EPHA4: variants seen among roughly 807,000 people sequenced by gnomAD.
EPHA4 encodes EPH receptor A4, also known as ephrin type-A receptor 4.
EPHA4 carries 19 observed loss-of-function variants against 108.3 expected under a neutral mutation model. The observed-to-expected ratio is 0.18, with a 90% CI of 0.12 to 0.26. EPHA4 has a LOEUF of 0.26. EPHA4 is among the 10% of genes least tolerant of loss of function. EPHA4 has a pLI of 1.00. For missense variants in EPHA4, 917 were observed against 1,254.0 expected (o/e 0.73, Z 4.06); for synonymous variants, 449 against 455.5 (o/e 0.99, Z 0.18).
intron 3 of EPHA4, among the ~76,000 whole-genome samples, chr2:221,506,678 G>A (rs1310458916): frequency 6.6e-6 from 1 of 152,134 alleles, no homozygotes; most frequent in Non-Finnish European, 1.5e-5. Flanking sequence ...TTCTACAAGT[G>A]GTTTGACTGC....
At chr2:221,505,746 G>A (rs911316399) in intron 3 of EPHA4, among the ~76,000 whole-genome samples, 28 of 152,122 alleles carry the variant, frequency 1.8e-4, no homozygotes, top group Middle Eastern at 3.2e-3. Flanking sequence ...GTGTGCTGCC[G>A]TGTGCACACA....
intron 3 of EPHA4, among the ~76,000 whole-genome samples, chr2:221,554,140 A>G (rs1286552922): frequency 6.6e-6 from 1 of 152,186 alleles, no homozygotes; most frequent in African/African-American, 2.4e-5. Flanking sequence ...TCATCCGCTA[A>G]TGACACCAGG....
chr2:221,508,831 AACTAAT>A (rs1397441547), intron 3 of EPHA4, among the ~76,000 whole-genome samples: 1 of 152,174 alleles, frequency 6.6e-6, no homozygotes, highest in African/African-American at 2.4e-5. Context: ...AAACTTACCA[AACTAAT>A]ACTGTCTCAA....
chr2:221,556,287 G>A (rs1574657161), intron 3 of EPHA4, among the ~76,000 whole-genome samples: 1 of 152,118 alleles, frequency 6.6e-6, no homozygotes, highest in African/African-American at 2.4e-5. Context: ...AAGTGACATT[G>A]TTTTACTACT....
At chr2:221,564,470 A>C in intron 2 of EPHA4, 76 bp from the exon 3 acceptor site, 1,289 of 1,391,042 alleles carry the variant, frequency 9.3e-4, no homozygotes, top group Non-Finnish European at 1.1e-3. Context: ...TTTTATTCTC[A>C]TAGGACACCT....
At chr2:221,494,176 G>A (rs1480926522) in intron 4 of EPHA4, among the ~76,000 whole-genome samples, 1 of 152,156 alleles carries the variant, frequency 6.6e-6, no homozygotes, top group African/African-American at 2.4e-5. Flanking sequence ...AAACTACTCT[G>A]GTAACAGTGC....
upstream of EPHA4, chr2:221,573,076 C>T (rs1694898583): frequency 1.2e-5 from 1 of 82,480 alleles, no homozygotes; most frequent in African/African-American, 4.9e-5. The surrounding 1 kb of genome is among the most constrained non-coding windows in gnomAD (Gnocchi z 4.5). Context: ...CCCAGGACGC[C>T]CCGAGATGGC....
chr2:221,456,927 T>C (rs1027907065), intron 6 of EPHA4, among the ~76,000 whole-genome samples, 155 bp from the exon 7 acceptor site: 1 of 152,236 alleles, frequency 6.6e-6, no homozygotes, highest in East Asian at 1.9e-4. Context: ...TCTTGGATGT[T>C]ATAAGTACTA....
At chr2:221,572,460 C>A (rs1184626743), upstream of EPHA4, 2 of 357,174 alleles carry the variant, frequency 5.6e-6, no homozygotes, top group Non-Finnish European at 9.9e-6. Flanking sequence ...GTTCCGCCCC[C>A]TCCGGGCTCC....
At chr2:221,421,031 G>T (rs910956867) in intron 17 of EPHA4, among the ~76,000 whole-genome samples, 2 of 152,210 alleles carry the variant, frequency 1.3e-5, no homozygotes, top group South Asian at 2.1e-4. Flanking sequence ...GGGCGCGGTG[G>T]CTCACGCCTG....
chr2:221,421,534 A>G (rs1689761259), intron 17 of EPHA4, among the ~76,000 whole-genome samples: 1 of 152,206 alleles, frequency 6.6e-6, no homozygotes, highest in South Asian at 2.1e-4. Flanking sequence ...CCACATATCA[A>G]GAACTAATCA....
At chr2:221,495,830 T>C (rs1692277997) in intron 4 of EPHA4, among the ~76,000 whole-genome samples, 1 of 152,178 alleles carries the variant, frequency 6.6e-6, no homozygotes, top group African/African-American at 2.4e-5. Context: ...GAGCACAGTC[T>C]CTCTTTGGCT....
chr2:221,517,660 A>C (rs1693029786), intron 3 of EPHA4, among the ~76,000 whole-genome samples: 1 of 152,174 alleles, frequency 6.6e-6, no homozygotes, highest in South Asian at 2.1e-4. Context: ...AAGTGGACTT[A>C]AGATTCCAAA....
chr2:221,478,030 A>C (rs1691709266), intron 5 of EPHA4, among the ~76,000 whole-genome samples: 1 of 152,000 alleles, frequency 6.6e-6, no homozygotes, highest in South Asian at 2.1e-4. Context: ...AATGGACAAC[A>C]CCGGCCCTGG....
intron 8 of EPHA4, among the ~76,000 whole-genome samples, chr2:221,449,046 T>C (rs761188327): frequency 2.0e-5 from 3 of 152,100 alleles, no homozygotes; most frequent in East Asian, 1.9e-4. Context: ...AAATTAGTGG[T>C]GAAGGTGTGT....
chr2:221,510,678 T>A (rs1333699058), intron 3 of EPHA4, among the ~76,000 whole-genome samples: 1 of 152,220 alleles, frequency 6.6e-6, no homozygotes, highest in Non-Finnish European at 1.5e-5. Context: ...ACATAAAGCC[T>A]GCTAAATCTA....
chr2:221,428,448 A>G (rs1190699678), intron 15 of EPHA4, among the ~76,000 whole-genome samples: 2 of 152,218 alleles, frequency 1.3e-5, no homozygotes. Context: ...ATAATAGTGT[A>G]TCTAATACCT....
chr2:221,441,902 C>T (rs1305620406), intron 11 of EPHA4, among the ~76,000 whole-genome samples: 2 of 152,204 alleles, frequency 1.3e-5, no homozygotes, highest in Non-Finnish European at 2.9e-5. Context: ...GCTAAGACTA[C>T]AGGTATGAGT....
At position 221,449,706 on chromosome 2, in the gene EPHA4, T is replaced by C. The variant is rs190122488; in HGVS notation, c.1716-3525A>G. The stretch of plus-strand genomic sequence containing the variant: ...TGACTATTCAATATAACAAACAAAA[T>C]AGAGACGGGGAGCAAGGCAGGGGCC... On this transcript the variant is annotated intron_variant, in intron 8 of 17. Transcript: ENST00000281821. Among the ~76,000 whole-genome samples, 41 of 152,144 alleles carry C rather than the reference T, an allele frequency of 2.7e-4. No homozygotes were observed. In the South Asian group the frequency reaches 4.6e-3, roughly 17 times the overall value.
Sources: gnomAD v4.1 joint callset for allele counts (sites outside exome capture counted in the v4.1 genomes callset) on GRCh38, gnomAD v4.1.1 for gene constraint, Gnocchi (gnomAD v3.1) non-coding constraint, MANE v1.5 for transcripts, NCBI Gene and HGNC (gene_info 2026-07-23, HGNC 2026-07-21) for gene names.